The following PDE1C variants were observed in gnomAD, a reference collection of about 807,000 sequenced individuals.
The protein encoded by PDE1C is dual specificity calcium/calmodulin-dependent 3',5'-cyclic nucleotide phosphodiesterase 1C.
In PDE1C, 62 loss-of-function variants were observed where a neutral mutation model predicts 93.1. The ratio of observed to expected loss-of-function variants is 0.67; its 90% CI spans 0.54 to 0.82. PDE1C has a LOEUF of 0.82. Among genes scored for constraint, PDE1C ranks in the 40% least tolerant of loss-of-function variants. The probability of loss-of-function intolerance (pLI) is 0.00; values close to 1 mark genes in which losing one functional copy is unlikely to be tolerated. For synonymous variants in PDE1C, 325 were observed against 310.1 expected, an observed-to-expected ratio of 1.05 and a Z score of -0.50; for missense variants, 742 against 884.6, an observed-to-expected ratio of 0.84 and a Z score of 2.04.
chr7:31,679,656 G>A, the PDE1C span, among the ~76,000 whole-genome samples: 1 of 152,184 alleles, frequency 6.6e-6, no homozygotes, highest in Admixed American at 6.5e-5. Flanking sequence ...AATTCTATGT[G>A]CCCTTTGGGA....
At chr7:31,923,989 A>G (rs1480917177) in intron 2 of PDE1C, among the ~76,000 whole-genome samples, 1 of 152,106 alleles carries the variant, frequency 6.6e-6, no homozygotes, top group Non-Finnish European at 1.5e-5. Context: ...TCTATTCAAG[A>G]TCTCATTCCT....
the PDE1C span, among the ~76,000 whole-genome samples, chr7:31,739,830 C>A: frequency 6.6e-6 from 1 of 152,158 alleles, no homozygotes; most frequent in Non-Finnish European, 1.5e-5. Flanking sequence ...CAATTAGGCA[C>A]CCAAAATGGT....
At chr7:32,004,717 T>C (rs991901085) in intron 2 of PDE1C, among the ~76,000 whole-genome samples, 1 of 152,242 alleles carries the variant, frequency 6.6e-6, no homozygotes, top group Non-Finnish European at 1.5e-5. Flanking sequence ...AAATCCAATA[T>C]GCTCTCAGAT....
At chr7:31,846,223 CTTTTTTTTTCT>C (rs1174809940) in intron 9 of PDE1C, among the ~76,000 whole-genome samples, 3 of 142,364 alleles carry the variant, frequency 2.1e-5, no homozygotes, top group African/African-American at 5.2e-5. Flanking sequence ...TTTTACTTTT[CTTTTTTTTTCT>C]TTTTTTTTTT....
intron 1 of PDE1C, among the ~76,000 whole-genome samples, chr7:32,297,879 T>C (rs903451620): frequency 2.2e-4 from 33 of 152,176 alleles, no homozygotes; most frequent in Non-Finnish European, 1.0e-4. Flanking sequence ...TTTATTTTTC[T>C]GAATCTCTCT....
At chr7:31,762,050 G>C (rs1194934939) in intron 17 of PDE1C, among the ~76,000 whole-genome samples, 1 of 152,200 alleles carries the variant, frequency 6.6e-6, no homozygotes, top group Non-Finnish European at 1.5e-5. Context: ...CTCAGATGAA[G>C]ACATTTAGGA....
At chr7:32,310,665 T>G (rs914114527) in intron 1 of PDE1C, among the ~76,000 whole-genome samples, 10 of 151,866 alleles carry the variant, frequency 6.6e-5, no homozygotes, top group African/African-American at 2.2e-4. Flanking sequence ...GGGTACATAA[T>G]GAAATGAAGG....
the PDE1C span, among the ~76,000 whole-genome samples, chr7:31,639,399 T>C: frequency 8.0e-5 from 4 of 50,130 alleles, no homozygotes; most frequent in African/African-American, 4.8e-4. Flanking sequence ...TAAATTTTAC[T>C]GGAGACGTTG....
chr7:32,048,812 A>C (rs1364551663), intron 2 of PDE1C, among the ~76,000 whole-genome samples: 3 of 152,198 alleles, frequency 2.0e-5, no homozygotes, highest in Non-Finnish European at 4.4e-5. Context: ...GAAGAGCTCA[A>C]ACTGATCCTC....
chr7:31,679,239 C>G, the PDE1C span, among the ~76,000 whole-genome samples: 3 of 152,174 alleles, frequency 2.0e-5, no homozygotes, highest in African/African-American at 7.2e-5. Flanking sequence ...CACAGAGACC[C>G]TTGCCAGAAA....
chr7:31,626,564 C>A, the PDE1C span, among the ~76,000 whole-genome samples: 1 of 152,102 alleles, frequency 6.6e-6, no homozygotes, highest in African/African-American at 2.4e-5. Context: ...TTATATTTTT[C>A]CTGCAGTAGT....
chr7:32,093,430 A>G (rs914049933), intron 3 of PDE1C, among the ~76,000 whole-genome samples: 2 of 152,202 alleles, frequency 1.3e-5, no homozygotes, highest in Non-Finnish European at 2.9e-5. Flanking sequence ...TGCTTTGGTC[A>G]TTGTAATTTA....
chr7:31,813,239 G>A (rs1054163726), intron 15 of PDE1C, among the ~76,000 whole-genome samples: 33 of 152,056 alleles, frequency 2.2e-4, no homozygotes, highest in African/African-American at 7.7e-4. Flanking sequence ...ATTTATCTGG[G>A]AGGTAGGGTT....
chr7:31,732,713 A>G, the PDE1C span, among the ~76,000 whole-genome samples: 2 of 149,920 alleles, frequency 1.3e-5, no homozygotes, highest in Non-Finnish European at 2.9e-5. Flanking sequence ...CTAATACACC[A>G]AGACACTTAG....
the PDE1C span, among the ~76,000 whole-genome samples, chr7:31,630,431 T>A: frequency 1.3e-5 from 2 of 152,126 alleles, no homozygotes; most frequent in African/African-American, 4.8e-5. Flanking sequence ...CTGTCTTTAT[T>A]AATACATCAG....
chr7:32,340,977 T>C (rs995921972), intron 1 of PDE1C, among the ~76,000 whole-genome samples: 4 of 152,024 alleles, frequency 2.6e-5, no homozygotes, highest in Non-Finnish European at 5.9e-5. Flanking sequence ...ACACCAAGAA[T>C]GGCCCCTAAT....
At chr7:32,360,545 T>A (rs915970025) in intron 1 of PDE1C, among the ~76,000 whole-genome samples, 2 of 152,054 alleles carry the variant, frequency 1.3e-5, no homozygotes, top group African/African-American at 4.8e-5. Flanking sequence ...AGCCAAAGCT[T>A]TGGAGGAGGA....
At chr7:32,337,874 C>T (rs1585115474) in intron 1 of PDE1C, among the ~76,000 whole-genome samples, 1 of 152,132 alleles carries the variant, frequency 6.6e-6, no homozygotes, top group African/African-American at 2.4e-5. Context: ...AGCAAGCAAA[C>T]GAGGCAGCGG....
rs534378034 is a variant in PDE1C, at chr7:32,246,559, A to C, written c.86-37020T>G. Among the ~76,000 whole-genome samples the C allele has an allele frequency of 2.3e-4, 35 of 152,304 alleles. 1 individual carries two copies. The South Asian group carries it at 7.2e-3, about 32-fold the overall frequency. On this transcript the variant is annotated intron_variant, in intron 1 of 18. Coordinates refer to the PDE1C transcript ENST00000396193. ...AACACAGAGAAGAAGCACTTAGCAA[A>C]AGTGAGCCTACACAGAATGTGAGAA...
Sources: allele counts gnomAD v4.1 joint callset (sites outside exome capture counted in the v4.1 genomes callset), GRCh38; gene constraint gnomAD v4.1.1; transcripts MANE v1.5; gene names NCBI Gene and HGNC (gene_info 2026-07-23, HGNC 2026-07-21).